Variants in SUFU observed in about 807,000 individuals in gnomAD.
SUFU encodes suppressor of fused homolog.
SUFU carries 7 observed loss-of-function variants against 58.9 expected under a neutral mutation model. The ratio of observed to expected loss-of-function variants is 0.12; its 90% CI spans 0.07 to 0.22. The LOEUF is 0.22. Among genes scored for constraint, SUFU ranks in the 10% least tolerant of loss-of-function variants. The pLI is 1.00. For synonymous variants in SUFU, 232 were observed against 254.8 expected (o/e 0.91, Z 0.85); for missense variants, 451 against 641.3 (o/e 0.70, Z 3.20).
intron 2 of SUFU, among the ~76,000 whole-genome samples, chr10:102,520,733 T>C (rs2135666383): frequency 6.6e-6 from 1 of 152,346 alleles, no homozygotes; most frequent in Admixed American, 6.5e-5. Flanking sequence ...ATGTAACTTT[T>C]GCAGACTAGC....
At chr10:102,532,345 G>C (rs2062686446) in intron 2 of SUFU, among the ~76,000 whole-genome samples, 1 of 152,298 alleles carries the variant, frequency 6.6e-6, no homozygotes, top group South Asian at 2.1e-4. Flanking sequence ...TCTAGGGCAG[G>C]GAGCAGGGTG....
At chr10:102,613,431 C>T (rs1564705563) in intron 8 of SUFU, among the ~76,000 whole-genome samples, 1 of 152,210 alleles carries the variant, frequency 6.6e-6, no homozygotes, top group Non-Finnish European at 1.5e-5. Context: ...AACCCACTGC[C>T]GCCACAGGGC....
intron 8 of SUFU, among the ~76,000 whole-genome samples, chr10:102,609,485 T>A (rs1483255174): frequency 6.6e-6 from 1 of 152,140 alleles, no homozygotes; most frequent in African/African-American, 2.4e-5. Context: ...AAGAACTGAG[T>A]CTTGCAAAAA....
chr10:102,579,301 G>C (rs553451161), intron 3 of SUFU, among the ~76,000 whole-genome samples: 1 of 152,312 alleles, frequency 6.6e-6, no homozygotes, highest in African/African-American at 2.4e-5. Context: ...GTGAGTGTCA[G>C]GTCCACAGTC....
At position 102,597,186 on chromosome 10, in the gene SUFU, G is replaced by T; in HGVS notation, c.803G>T (p.Gly268Val). 1 of 1,614,008 alleles carries T rather than the reference G, an allele frequency of 6.2e-7. No individual in the cohort carries two copies. Among genetic ancestry groups the T allele is most frequent in the Non-Finnish European group, 8.5e-7 (1 of 1,179,990 alleles). Reference sequence around the variant, plus strand: ...GAGACAGATGGCTCCAACCTGAGTGGTGTCAGTGCCAAGTGTGCCTGGGAT... The same window carrying T: ...GAGACAGATGGCTCCAACCTGAGTGTTGTCAGTGCCAAGTGTGCCTGGGAT... Reference protein sequence around the residue: ...GIETDGSNLSGVSAKCAWDDL... With the variant: ...GIETDGSNLSVVSAKCAWDDL... The change falls in exon 7 of 12, where the codon GGT becomes GTT. Residue 268 changes from glycine to valine, a missense_variant. Physicochemically the swap from Gly to Val is moderately radical, Grantham distance 109. Coordinates refer to ENST00000369902, the MANE Select transcript of SUFU (RefSeq NM_016169.4).
Position 102,630,509 on chromosome 10 carries a change from T to A in SUFU, c.*354T>A. 2.3e-6 allele frequency: 1 copy of A among 442,816 alleles called. No individual in the cohort carries two copies. The highest frequency in any genetic ancestry group is 4.2e-6 in the Non-Finnish European group (1 of 235,810). The allele number at this position is 442,816 out of a possible 1,614,324, so 27.4% of individuals were successfully genotyped here. On this transcript the variant is annotated 3_prime_UTR_variant, in exon 12 of 12. Coordinates refer to ENST00000369902, the MANE Select transcript of SUFU (RefSeq NM_016169.4). ...ACAGCCCTCTTTCTCACCTACCCCC[T>A]GCCGCACAGCCCAGCAGGAGGGAGG...
intron 2 of SUFU, among the ~76,000 whole-genome samples, chr10:102,538,265 A>T (rs2062763715): frequency 6.6e-6 from 1 of 152,148 alleles, no homozygotes; most frequent in African/African-American, 2.4e-5. Context: ...CAGAACTCAT[A>T]TAATACCGCT....
intron 2 of SUFU, among the ~76,000 whole-genome samples, chr10:102,529,816 G>GCACCTATAGTCCC (rs1230911565): frequency 6.6e-6 from 1 of 151,940 alleles, no homozygotes; most frequent in Non-Finnish European, 1.5e-5. Flanking sequence ...ATGGTGGCAT[G>GCACCTATAGTCCC]CACCTATAGT....
chr10:102,596,584 A>G (rs2063464188), intron 6 of SUFU, among the ~76,000 whole-genome samples: 1 of 152,210 alleles, frequency 6.6e-6, no homozygotes, highest in African/African-American at 2.4e-5. Context: ...CAATGCATCT[A>G]GGGAAGTCCA....
At chr10:102,530,461 T>C (rs2062664923) in intron 2 of SUFU, among the ~76,000 whole-genome samples, 1 of 149,992 alleles carries the variant, frequency 6.7e-6, no homozygotes, top group African/African-American at 2.5e-5. Flanking sequence ...TTTTTTTTTT[T>C]TTTTTTTAAT....
chr10:102,533,531 G>A (rs1466608620), intron 2 of SUFU, among the ~76,000 whole-genome samples: 1 of 152,074 alleles, frequency 6.6e-6, no homozygotes, highest in Non-Finnish European at 1.5e-5. Context: ...CCGTGATCAT[G>A]CCACTGCACT....
intron 2 of SUFU, among the ~76,000 whole-genome samples, chr10:102,527,927 GCACCT>G (rs1288413514): frequency 4.6e-5 from 7 of 152,306 alleles, no homozygotes; most frequent in African/African-American, 1.7e-4. Context: ...GGCACAGAGG[GCACCT>G]CGCTTCCCAA....
At chr10:102,623,079 C>T (rs1049312353) in intron 10 of SUFU, among the ~76,000 whole-genome samples, 19 of 151,458 alleles carry the variant, frequency 1.3e-4, no homozygotes, top group Admixed American at 5.3e-4. Context: ...GGCCTAGCAT[C>T]GCCATATTTT....
intron 2 of SUFU, among the ~76,000 whole-genome samples, chr10:102,530,486 A>C (rs2062665415): frequency 3.7e-5 from 5 of 135,776 alleles, no homozygotes; most frequent in Admixed American, 8.0e-5. Context: ...ACAGGGACTC[A>C]CTCTGTTGCC....
intron 2 of SUFU, among the ~76,000 whole-genome samples, chr10:102,523,823 G>A (rs2062577617): frequency 6.6e-6 from 1 of 152,220 alleles, no homozygotes; most frequent in Admixed American, 6.5e-5. Context: ...CCATCCAGTG[G>A]CTTCATGTCT....
intron 3 of SUFU, among the ~76,000 whole-genome samples, chr10:102,573,811 G>T (rs569666068): frequency 2.0e-5 from 3 of 152,122 alleles, no homozygotes; most frequent in Non-Finnish European, 4.4e-5. Context: ...CAAAATGTTG[G>T]TTTCCAGGGG....
At chr10:102,546,935 G>T (rs936382189) in intron 2 of SUFU, among the ~76,000 whole-genome samples, 1 of 152,272 alleles carries the variant, frequency 6.6e-6, no homozygotes, top group African/African-American at 2.4e-5. Context: ...GCGTGTGCAC[G>T]CATGCACACC....
At chr10:102,565,201 C>T (rs1468737725) in intron 3 of SUFU, among the ~76,000 whole-genome samples, 5 of 152,136 alleles carry the variant, frequency 3.3e-5, no homozygotes, top group Non-Finnish European at 5.9e-5. Flanking sequence ...ATGATATGGC[C>T]CTCAAAGCCT....
At position 102,623,191 on chromosome 10, in the gene SUFU, G is replaced by A. The variant is rs1005884441; in HGVS notation, c.1297-3984G>A. Among the ~76,000 whole-genome samples the A allele has an allele frequency of 4.6e-5, 7 of 152,144 alleles. 1 individual carries two copies. The highest frequency in any genetic ancestry group is 8.8e-5 in the Non-Finnish European group (6 of 68,030). On this transcript the variant is annotated intron_variant, in intron 10 of 11. Coordinates refer to ENST00000369902, the MANE Select transcript of SUFU (RefSeq NM_016169.4). ...GAGGGCTGTTTGTGTACAAACATAA[G>A]TGTTTTCTGCCTGGCTCTTGGTAAG...
Sources: allele counts gnomAD v4.1 joint callset (sites outside exome capture counted in the v4.1 genomes callset), GRCh38; gene constraint gnomAD v4.1.1; transcripts MANE v1.5; gene names NCBI Gene and HGNC (gene_info 2026-07-23, HGNC 2026-07-21).